Variants in MGMT observed in about 807,000 individuals in gnomAD.
The protein encoded by MGMT is methylated-DNA--protein-cysteine methyltransferase.
A neutral mutation model predicts 15.9 loss-of-function variants in MGMT; 14 were observed. The ratio of observed to expected loss-of-function variants is 0.88; its 90% confidence interval spans 0.58 to 1.37. The LOEUF (loss-of-function observed/expected upper bound fraction) is 1.37, where lower values mean the gene tolerates loss of function less well. Ranked by LOEUF, MGMT falls within the 40% of genes most tolerant of loss-of-function variation. The pLI, the probability that MGMT is intolerant of heterozygous loss-of-function variation, is 0.00. For missense variants in MGMT, 282 were observed against 268.1 expected (o/e 1.05, Z -0.36); for synonymous variants, 130 against 118.2 (o/e 1.10, Z -0.65).
intron 2 of MGMT, among the ~76,000 whole-genome samples, chr10:129,668,889 A>G (rs916067093): frequency 5.9e-5 from 9 of 152,140 alleles, no homozygotes; most frequent in Non-Finnish European, 7.4e-5. Flanking sequence ...TCAAATCTGT[A>G]AACATATTAT....
chr10:129,642,011 C>T (rs1177026311), intron 2 of MGMT, among the ~76,000 whole-genome samples: 1 of 152,210 alleles, frequency 6.6e-6, no homozygotes, highest in Non-Finnish European at 1.5e-5. Context: ...AGGCTCTCTG[C>T]TCATAATTCT....
intron 3 of MGMT, among the ~76,000 whole-genome samples, chr10:129,736,187 T>C (rs61874359): frequency 0.32 from 44,209 of 136,828 alleles, 7,264 homozygotes; most frequent in East Asian, 0.53. Flanking sequence ...TATTAATGTG[T>C]GGGAGTCTAA....
intron 2 of MGMT, among the ~76,000 whole-genome samples, chr10:129,682,229 T>C (rs1002246171): frequency 6.6e-6 from 1 of 152,008 alleles, no homozygotes; most frequent in African/African-American, 2.4e-5. Flanking sequence ...GACCCCCAAA[T>C]TGGAAGCAAT....
At chr10:129,731,556 C>T (rs916616143) in intron 3 of MGMT, among the ~76,000 whole-genome samples, 46 of 151,912 alleles carry the variant, frequency 3.0e-4, no homozygotes, top group Non-Finnish European at 4.7e-4. Context: ...CCACCACACC[C>T]GGCTGATTTT....
At chr10:129,628,608 TG>T (rs1847177134) in intron 2 of MGMT, among the ~76,000 whole-genome samples, 1 of 152,058 alleles carries the variant, frequency 6.6e-6, no homozygotes, top group Admixed American at 6.5e-5. Context: ...CAAAAACCAG[TG>T]GGTTTTACAT....
Position 129,706,708 on chromosome 10 carries a change from C to T in MGMT, c.126-1187C>T, listed in dbSNP as rs539361828. Among the ~76,000 whole-genome samples, 5 of 152,298 alleles carry T rather than the reference C, an allele frequency of 3.3e-5. No individual in the cohort carries two copies. The South Asian group carries it at 8.3e-4, about 25-fold the overall frequency. On this transcript the variant is annotated intron_variant, in intron 2 of 4. Transcript: ENST00000651593. ...CACGGGGGTCCACAGCACTTGAAAT[C>T]ACAACGGGATGTGTCATGCACTCCA...
At chr10:129,541,202 TAC>T (rs993392686) in intron 2 of MGMT, among the ~76,000 whole-genome samples, 35 of 152,392 alleles carry the variant, frequency 2.3e-4, no homozygotes, top group Admixed American at 2.2e-3. Flanking sequence ...CTTGCATAGT[TAC>T]CTTTCCCTCC....
At chr10:129,471,047 C>A (rs1435912980) in intron 1 of MGMT, among the ~76,000 whole-genome samples, 1 of 152,206 alleles carries the variant, frequency 6.6e-6, no homozygotes, top group Non-Finnish European at 1.5e-5. Context: ...AGCCCTGCCG[C>A]CCATTCCCAG....
intron 1 of MGMT, 96 bp from the exon 2 acceptor site, chr10:129,536,145 A>G: frequency 7.4e-7 from 1 of 1,345,550 alleles, no homozygotes; most frequent in Non-Finnish European, 1.0e-6. Flanking sequence ...TTTGGAATAT[A>G]TTTTGTGTCT....
intron 3 of MGMT, among the ~76,000 whole-genome samples, chr10:129,730,130 G>T (rs1848479454): frequency 6.6e-6 from 1 of 152,146 alleles, no homozygotes; most frequent in Admixed American, 6.5e-5. Flanking sequence ...GAACAAATAG[G>T]AGTTCCTGTA....
chr10:129,729,399 C>G (rs1294965922), intron 3 of MGMT, among the ~76,000 whole-genome samples: 2 of 152,198 alleles, frequency 1.3e-5, no homozygotes, highest in African/African-American at 4.8e-5. Flanking sequence ...CCCTGTCCCA[C>G]TCCCCTGCCG....
At chr10:129,730,073 TCTC>T (rs1417399963) in intron 3 of MGMT, among the ~76,000 whole-genome samples, 9 of 152,158 alleles carry the variant, frequency 5.9e-5, no homozygotes, top group South Asian at 2.1e-4. Context: ...CAGCACGACT[TCTC>T]CTCCCTTCTG....
intron 2 of MGMT, among the ~76,000 whole-genome samples, chr10:129,706,650 C>A (rs1403726850): frequency 6.6e-6 from 1 of 152,100 alleles, no homozygotes. Context: ...AAGGGAGTCA[C>A]CTGAAGAAAT....
chr10:129,560,989 G>GCA (rs147857973), intron 2 of MGMT, among the ~76,000 whole-genome samples: 55,455 of 149,802 alleles, frequency 0.37, 11,414 homozygotes, highest in East Asian at 0.56. Context: ...GTGTGTGTGT[G>GCA]TGTGTGTGTT....
chr10:129,760,200 G>A (rs917336110), intron 4 of MGMT, among the ~76,000 whole-genome samples: 1 of 152,246 alleles, frequency 6.6e-6, no homozygotes, highest in African/African-American at 2.4e-5. Context: ...TCTGGCATGA[G>A]GTGGTAAGTC....
chr10:129,496,520 A>G (rs1390225582), intron 1 of MGMT, among the ~76,000 whole-genome samples: 2 of 152,188 alleles, frequency 1.3e-5, no homozygotes, highest in Non-Finnish European at 2.9e-5. Flanking sequence ...ATGTCTAAAT[A>G]AAATACTGGC....
chr10:129,685,491 G>C (rs964415105), intron 2 of MGMT, among the ~76,000 whole-genome samples: 1 of 152,088 alleles, frequency 6.6e-6, no homozygotes, highest in East Asian at 1.9e-4. Context: ...CCACCTCCCC[G>C]AGCCGTGGAG....
At chr10:129,701,017 G>T (rs1031533754) in intron 2 of MGMT, 4 of 152,242 alleles carry the variant, frequency 2.6e-5, no homozygotes, top group African/African-American at 9.7e-5. Context: ...CCAGGTTCTG[G>T]AAGCCAGAGG....
chr10:129,705,325 C>T (rs1848148052), intron 2 of MGMT, among the ~76,000 whole-genome samples: 1 of 152,210 alleles, frequency 6.6e-6, no homozygotes, highest in Non-Finnish European at 1.5e-5. Flanking sequence ...GCTGCTGAGG[C>T]CCTGGTTTCT....
Sources: allele counts gnomAD v4.1 joint callset (sites outside exome capture counted in the v4.1 genomes callset), GRCh38; gene constraint gnomAD v4.1.1; transcripts MANE v1.5; gene names NCBI Gene and HGNC (gene_info 2026-07-23, HGNC 2026-07-21).